The following GNE variants were observed in gnomAD, a reference collection of about 807,000 sequenced individuals.
GNE encodes bifunctional UDP-N-acetylglucosamine 2-epimerase/N-acetylmannosamine kinase.
A neutral mutation model predicts 61.8 loss-of-function variants in GNE; 41 were observed. The observed-to-expected ratio is 0.66, with a 90% confidence interval of 0.52 to 0.86. The LOEUF is 0.86. Among genes scored for constraint, GNE ranks in the 40% least tolerant of loss-of-function variants. GNE has a pLI of 0.00. For missense variants in GNE, 608 were observed against 909.1 expected, an observed-to-expected ratio of 0.67 and a Z score of 4.26; for synonymous variants, 264 against 326.4, an observed-to-expected ratio of 0.81 and a Z score of 2.06.
At chr9:36,239,910 A>T (rs542940381) in intron 3 of GNE, among the ~76,000 whole-genome samples, 4 of 150,210 alleles carry the variant, frequency 2.7e-5, no homozygotes, top group South Asian at 2.1e-4. Flanking sequence ...TTTTATTTTA[A>T]TTTAATTTTG....
chr9:36,232,438 T>C (rs1353292698), intron 5 of GNE, among the ~76,000 whole-genome samples: 1 of 147,998 alleles, frequency 6.8e-6, no homozygotes, highest in Non-Finnish European at 1.5e-5. Context: ...TTAGAAAAAA[T>C]TCCAAATGAC....
In GNE at chr9:36,218,685, A is replaced by G. The variant is rs1197130847; in HGVS notation, c.1817-386T>C. On this transcript the variant is annotated intron_variant, in intron 10 of 11. Transcript: ENST00000642385. The surrounding 1 kb of genome is among the most constrained non-coding windows in gnomAD (Gnocchi z 4.1). ...CAATGCTGTGCCATCTGCCAGCGCC[A>G]CGCGTTCTATGGCAGCGAGGCACAG... Among the ~76,000 whole-genome samples the G allele has an allele frequency of 6.6e-6, 1 of 152,060 alleles. No individual in the cohort carries two copies. Among genetic ancestry groups the G allele is most frequent in the Non-Finnish European group, 1.5e-5 (1 of 68,032 alleles).
At chr9:36,224,132 T>C (rs1314247704) in intron 7 of GNE, among the ~76,000 whole-genome samples, 2 of 152,094 alleles carry the variant, frequency 1.3e-5, no homozygotes, top group African/African-American at 4.8e-5. Context: ...CTCTTTCAGG[T>C]TGACAAAACT....
In GNE at chr9:36,229,036, C is replaced by G. The variant is rs754364693; in HGVS notation, c.1055G>C (p.Gly352Ala). 5 of 1,601,722 alleles carry G rather than the reference C, an allele frequency of 3.1e-6. 1 individual carries two copies. The highest frequency in any genetic ancestry group is 2.2e-5 in the South Asian group (2 of 90,800). Residue 352 changes from glycine (G) to alanine (A), a missense_variant, in exon 6 of 12, where the codon GGT becomes GCT. Transcript: ENST00000642385. ...KILQALHLQF[G>A]KQYPCSKIYG... ...TTATACTCACCAAGGGTACTGTTTACCAAACTGAAGGTGCAGTGCTTGCAA... is the reference window on the plus strand; with the variant it reads ...TTATACTCACCAAGGGTACTGTTTAGCAAACTGAAGGTGCAGTGCTTGCAA...
chr9:36,257,801 T>TAAA lies in GNE; in HGVS notation c.-43+519_-43+520insTTT, dbSNP rs1563955404. On this transcript the variant is annotated intron_variant, in intron 1 of 11. Coordinates refer to ENST00000642385, the MANE Select transcript of GNE (RefSeq NM_005476.7). ...CTGGGCGACAGAGCGAGACTCAGTC[T>TAAA]CAAAAAAAAAAAAAAAAAAAAAAAA... Among the ~76,000 whole-genome samples the TAAA allele has an allele frequency of 3.9e-3, 21 of 5,374 alleles. 2 individuals carry two copies. The highest frequency in any genetic ancestry group is 0.013 in the African/African-American group (19 of 1,408). The allele number at this position is 5,374 out of a possible 152,430, so 3.5% of individuals were successfully genotyped here. A position where few individuals can be genotyped will look rare whatever the true frequency, so the allele number is the denominator to read the frequency against.
intron 5 of GNE, among the ~76,000 whole-genome samples, chr9:36,231,195 G>A (rs750646161): frequency 2.0e-5 from 3 of 152,124 alleles, no homozygotes; most frequent in Non-Finnish European, 4.4e-5. Flanking sequence ...TGGGCACAAT[G>A]GCTCACATCC....
intron 9 of GNE, among the ~76,000 whole-genome samples, chr9:36,221,270 C>T (rs1316615347): frequency 2.6e-5 from 4 of 152,176 alleles, no homozygotes; most frequent in East Asian, 1.9e-4. Flanking sequence ...TGAGATTGTG[C>T]GACTGCACTC....
At chr9:36,260,868 C>CAAAAA (rs745821430), upstream of GNE, among the ~76,000 whole-genome samples, 171 of 96,014 alleles carry the variant, frequency 1.8e-3, 1 homozygote, top group East Asian at 0.015. Context: ...GACTCTATCT[C>CAAAAA]AAAAAAAAAA....
At chr9:36,244,389 C>A (rs912009457) in intron 3 of GNE, among the ~76,000 whole-genome samples, 5 of 152,124 alleles carry the variant, frequency 3.3e-5, no homozygotes, top group Admixed American at 1.3e-4. Context: ...TATAAATTAA[C>A]CAACTGACAT....
intron 1 of GNE, among the ~76,000 whole-genome samples, chr9:36,272,841 C>T (rs533950970): frequency 3.5e-5 from 5 of 142,490 alleles, no homozygotes; most frequent in South Asian, 2.3e-4. Context: ...GAGGCCAAGG[C>T]GGGTAGATCA....
At chr9:36,268,754 A>G (rs1053879102) in intron 1 of GNE, among the ~76,000 whole-genome samples, 7 of 152,176 alleles carry the variant, frequency 4.6e-5, no homozygotes, top group Admixed American at 4.6e-4. Context: ...TATCAGTAAC[A>G]CGCTTCTGGG....
intron 9 of GNE, 125 bp downstream of exon 9, chr9:36,222,652 C>T (rs10972795): frequency 8.8e-6 from 7 of 798,646 alleles, no homozygotes; most frequent in Non-Finnish European, 1.6e-5. Flanking sequence ...ACATGTGGCT[C>T]ACCTTCAGGC....
rs1457719193 is a variant in GNE at position 36,264,529 on chromosome 9, G to A, written c.51+12365C>T. ...CAGGGAGAATCCCCAACCTTATTTC[G>A]ATCCCCACTTCCAACCGATTGATGG... On this transcript the variant is annotated intron_variant, in intron 1 of 11. Transcript: ENST00000396594. Among the ~76,000 whole-genome samples the A allele has an allele frequency of 3.9e-5, 6 of 152,168 alleles. No homozygotes were observed. The East Asian group carries it at 5.8e-4, about 15-fold the overall frequency.
At chr9:36,219,804 T>C in intron 10 of GNE, 34 bp downstream of exon 10, 1 of 1,578,820 alleles carries the variant, frequency 6.3e-7, no homozygotes, top group Non-Finnish European at 8.7e-7. Context: ...GTCTACTATT[T>C]GGTTACTTAA....
At chr9:36,271,699 T>C (rs987950590) in intron 1 of GNE, among the ~76,000 whole-genome samples, 1 of 152,212 alleles carries the variant, frequency 6.6e-6, no homozygotes, top group Non-Finnish European at 1.5e-5. Flanking sequence ...GTTATACTTA[T>C]GATGAATTAC....
chr9:36,268,338 A>G (rs1830885596), intron 1 of GNE, among the ~76,000 whole-genome samples: 1 of 152,084 alleles, frequency 6.6e-6, no homozygotes, highest in South Asian at 2.1e-4. Context: ...AAAATGTTGG[A>G]TCAACACAAT....
intron 1 of GNE, among the ~76,000 whole-genome samples, chr9:36,257,980 C>T (rs1173229119): frequency 1.3e-5 from 2 of 152,086 alleles, no homozygotes; most frequent in African/African-American, 2.4e-5. Flanking sequence ...TCTCCACCCT[C>T]TCTCGCCCCG....
In GNE at chr9:36,218,266, G is replaced by C; in HGVS notation, c.1850C>G (p.Pro617Arg). 6.2e-7 allele frequency: 1 copy of C among 1,614,004 alleles called. No individual in the cohort carries two copies. The highest frequency in any genetic ancestry group is 8.5e-7 in the Non-Finnish European group (1 of 1,179,936). ...DLLLVEGMSV[P>R]KDEAVGALHL... ...GAGCGCACCCACAGCCTCATCTTTT[G>C]GCACTGACATCCCTTCCACCAAGAG... The change falls in exon 11 of 12, where the codon CCA becomes CGA. Residue 617 changes from proline to arginine, a missense_variant. Transcript: ENST00000642385. The surrounding 1 kb of genome is among the most constrained non-coding windows in gnomAD (Gnocchi z 4.1).
chr9:36,247,743 C>T (rs1829948543), intron 2 of GNE, among the ~76,000 whole-genome samples: 2 of 152,088 alleles, frequency 1.3e-5, no homozygotes, highest in South Asian at 4.2e-4. Context: ...AAAAAAAAAT[C>T]TGGACGGACG....
Sources: gnomAD v4.1 joint callset for allele counts (sites outside exome capture counted in the v4.1 genomes callset) on GRCh38, gnomAD v4.1.1 for gene constraint, Gnocchi (gnomAD v3.1) non-coding constraint, MANE v1.5 for transcripts, NCBI Gene and HGNC (gene_info 2026-07-23, HGNC 2026-07-21) for gene names.